NINJ2: variants seen among roughly 807,000 people sequenced by gnomAD.
NINJ2 encodes ninjurin-2.
NINJ2 carries 12 observed loss-of-function variants against 11.7 expected under a neutral mutation model. That is an observed-to-expected ratio of 1.02 (90% confidence interval 0.66 to 1.66). NINJ2 has a LOEUF of 1.66. NINJ2 is among the 40% of genes most tolerant of loss of function. The pLI, the probability that NINJ2 is intolerant of heterozygous loss-of-function variation, is 0.00. For missense variants in NINJ2, 187 were observed against 181.8 expected (o/e 1.03, Z -0.16); for synonymous variants, 93 against 76.8 (o/e 1.21, Z -1.10).
At position 565,335 on chromosome 12, in the gene NINJ2, A is replaced by G. The variant is rs1947278467; in HGVS notation, c.329T>C (p.Ile110Thr). Residue 110 changes from isoleucine to threonine, a missense_variant, in exon 3 of 4, where the codon ATC becomes ACC. Coordinates refer to ENST00000305108, the MANE Select transcript of NINJ2 (RefSeq NM_016533.6). ...RLNQLNNAAT[I>T]LVFFTVVINV... is the part of the protein sequence containing the mutation. ...GATGACCACAGTGAAGAAGACCAAG[A>G]TGGTGGCTGCGTTGTTGAGCTGGTT... 3 of 1,614,072 alleles carry G rather than the reference A, an allele frequency of 1.9e-6. No individual in the cohort carries two copies. The highest frequency in any genetic ancestry group is 2.2e-5 in the South Asian group (2 of 91,086).
At chr12:597,208 C>T (rs1183601913) in intron 1 of NINJ2, among the ~76,000 whole-genome samples, 1 of 152,188 alleles carries the variant, frequency 6.6e-6, no homozygotes, top group Admixed American at 6.6e-5. Flanking sequence ...GCTGGTTCCA[C>T]CATCTGTGTG....
intron 1 of NINJ2, among the ~76,000 whole-genome samples, chr12:570,129 A>T (rs956201781): frequency 2.0e-5 from 3 of 152,216 alleles, no homozygotes; most frequent in African/African-American, 7.2e-5. Flanking sequence ...TTCGAGAATC[A>T]ACCGAAGCTG....
chr12:659,106 A>AAAAC (rs370278810), intron 1 of NINJ2, among the ~76,000 whole-genome samples: 3 of 150,368 alleles, frequency 2.0e-5, no homozygotes, highest in Non-Finnish European at 4.4e-5. Flanking sequence ...TAAAAACAAT[A>AAAAC]AAACAAACAA....
intron 1 of NINJ2, among the ~76,000 whole-genome samples, chr12:609,944 TAAAAAAAAAA>T (rs60084425): frequency 7.9e-6 from 1 of 126,884 alleles, no homozygotes; most frequent in South Asian, 2.6e-4. Context: ...GACCCTGTCT[TAAAAAAAAAA>T]AAAAAAAAAG....
chr12:618,814 G>A (rs1948122399), intron 1 of NINJ2, among the ~76,000 whole-genome samples: 1 of 152,224 alleles, frequency 6.6e-6, no homozygotes, highest in African/African-American at 2.4e-5. Context: ...AAGGTGGCAA[G>A]AGTGGAGAAG....
At chr12:607,189 TA>T (rs1947951846) in intron 1 of NINJ2, among the ~76,000 whole-genome samples, 1 of 152,192 alleles carries the variant, frequency 6.6e-6, no homozygotes, top group African/African-American at 2.4e-5. Context: ...CCCCCAGATC[TA>T]CTCAACCAGA....
At chr12:634,282 T>C (rs1948319230) in intron 1 of NINJ2, among the ~76,000 whole-genome samples, 1 of 131,324 alleles carries the variant, frequency 7.6e-6, no homozygotes, top group African/African-American at 3.0e-5. Context: ...TTTTTTTTTT[T>C]TTTTTTTTGC....
intron 1 of NINJ2, among the ~76,000 whole-genome samples, chr12:588,198 G>GGGACAGAAGGGAGGGAAGGGACGGAA (rs1947669584): frequency 9.2e-6 from 1 of 108,656 alleles, no homozygotes; most frequent in African/African-American, 3.8e-5. Flanking sequence ...AAGGGACGGA[G>GGGACAGAAGGGAGGGAAGGGACGGAA]GGGACGGAAG....
chr12:618,835 C>T (rs1393263159), intron 1 of NINJ2, among the ~76,000 whole-genome samples: 2 of 152,158 alleles, frequency 1.3e-5, no homozygotes, highest in African/African-American at 2.4e-5. Context: ...AGCAAACACC[C>T]GACTCCCTCC....
intron 1 of NINJ2, among the ~76,000 whole-genome samples, chr12:601,753 C>G (rs755220064): frequency 7.9e-5 from 12 of 152,130 alleles, no homozygotes; most frequent in Non-Finnish European, 1.6e-4. Context: ...GTAATCCCAG[C>G]TACTCGGGAG....
chr12:615,213 A>G (rs553061221), intron 1 of NINJ2, among the ~76,000 whole-genome samples: 1 of 152,330 alleles, frequency 6.6e-6, no homozygotes, highest in African/African-American at 2.4e-5. Flanking sequence ...AGGGTGCTAA[A>G]TGAGAACACC....
chr12:635,330 C>T (rs1050762111), intron 1 of NINJ2, among the ~76,000 whole-genome samples: 51 of 147,100 alleles, frequency 3.5e-4, no homozygotes, highest in African/African-American at 1.3e-3. Flanking sequence ...GGATTACAGG[C>T]ATGAGCCACC....
intron 1 of NINJ2, chr12:643,596 A>G: frequency 2.0e-6 from 2 of 987,880 alleles, no homozygotes; most frequent in Non-Finnish European, 2.4e-6. Context: ...AGGCTCGGAG[A>G]GATGAAGCGT....
chr12:602,129 G>A (rs114176999), intron 1 of NINJ2, among the ~76,000 whole-genome samples: 2,446 of 152,300 alleles, frequency 0.016, 67 homozygotes, highest in African/African-American at 0.055. Flanking sequence ...CACACTCAAT[G>A]GGGATGACAC....
At chr12:570,804 G>A (rs945012213) in intron 1 of NINJ2, among the ~76,000 whole-genome samples, 5 of 152,232 alleles carry the variant, frequency 3.3e-5, no homozygotes, top group South Asian at 2.1e-4. Flanking sequence ...TCCTCGAGGA[G>A]CAGGGGACCG....
chr12:657,705 C>T (rs1937892047), intron 1 of NINJ2, among the ~76,000 whole-genome samples: 2 of 152,176 alleles, frequency 1.3e-5, no homozygotes, highest in South Asian at 4.1e-4. Context: ...TTCTCCACAT[C>T]TTATGTCACT....
intron 1 of NINJ2, among the ~76,000 whole-genome samples, chr12:567,515 G>T (rs1947317637): frequency 6.6e-6 from 1 of 152,142 alleles, no homozygotes; most frequent in Admixed American, 6.5e-5. Context: ...AGATTGGTGG[G>T]TGGATGGATG....
At chr12:624,370 T>C (rs1319709610) in intron 1 of NINJ2, among the ~76,000 whole-genome samples, 1 of 152,192 alleles carries the variant, frequency 6.6e-6, no homozygotes, top group Admixed American at 6.5e-5. Flanking sequence ...GATACTAGTG[T>C]ATGGGGATAC....
intron 1 of NINJ2, among the ~76,000 whole-genome samples, chr12:625,880 G>A (rs76000667): frequency 0.15 from 22,402 of 152,116 alleles, 2,063 homozygotes; most frequent in South Asian, 0.26. Flanking sequence ...TTGTAGATAC[G>A]TGTGTCTAAA....
Sources: allele counts gnomAD v4.1 joint callset (sites outside exome capture counted in the v4.1 genomes callset), GRCh38; gene constraint gnomAD v4.1.1; transcripts MANE v1.5; gene names NCBI Gene and HGNC (gene_info 2026-07-23, HGNC 2026-07-21).